The following SPTBN5 variants were observed in gnomAD, a reference collection of about 807,000 sequenced individuals.
SPTBN5 encodes the protein spectrin beta chain, non-erythrocytic 5.
SPTBN5 carries 513 observed loss-of-function variants against 477.6 expected under a neutral mutation model. That is an observed-to-expected ratio of 1.07 (90% CI 1.00 to 1.16). The LOEUF (loss-of-function observed/expected upper bound fraction) is 1.16. Among genes scored for constraint, SPTBN5 ranks in the 50% most tolerant of loss-of-function variants. The pLI is 0.00. For missense variants in SPTBN5, 5,062 were observed against 4,731.8 expected, an observed-to-expected ratio of 1.07 and a Z score of -2.05; for synonymous variants, 2,169 against 2,011.7, an observed-to-expected ratio of 1.08 and a Z score of -2.09.
At chr15:41,887,768 TAGGG>T (rs2067200616) in intron 5 of SPTBN5, among the ~76,000 whole-genome samples, 156 bp downstream of exon 5, 1 of 152,130 alleles carries the variant, frequency 6.6e-6, no homozygotes, top group South Asian at 2.1e-4. Context: ...TGGCATTGTC[TAGGG>T]AAGGGAAAGG....
intron 15 of SPTBN5, 37 bp from the exon 16 acceptor site, chr15:41,879,536 A>G: frequency 6.6e-7 from 1 of 1,525,668 alleles, no homozygotes; most frequent in Non-Finnish European, 8.8e-7. Context: ...CACAACAGGG[A>G]CACCTCCCCA....
intron 11 of SPTBN5, 59 bp downstream of exon 11, chr15:41,882,210 A>ACCG: frequency 7.0e-7 from 1 of 1,427,856 alleles, no homozygotes; most frequent in Non-Finnish European, 9.2e-7. Context: ...AGGTGCTGGC[A>ACCG]CCCCCACCCC....
intron 35 of SPTBN5, 127 bp downstream of exon 35, chr15:41,867,411 C>G: frequency 1.0e-6 from 1 of 971,272 alleles, no homozygotes; most frequent in Non-Finnish European, 1.6e-6. Context: ...CAACCCCAAC[C>G]AGGACCCCAG....
At chr15:41,850,592 T>C in intron 66 of SPTBN5, 1 of 497,422 alleles carries the variant, frequency 2.0e-6, no homozygotes. Flanking sequence ...AGTGGCAGAC[T>C]CCAAAAGGGG....
Position 41,851,867 on chromosome 15 carries a change from G to A in SPTBN5, c.10585-17C>T, listed in dbSNP as rs779628714. On this transcript the variant is annotated splice_polypyrimidine_tract_variant and intron_variant, in intron 62 of 67. Transcript: ENST00000320955. ...CTTTGCATCCTGAAAATGCAAGATG[G>A]GGCCCAGAAATGTCAGGACCAGCAC... 4.4e-6 allele frequency: 7 copies of A among 1,605,316 alleles called. No homozygotes were observed. Among genetic ancestry groups the A allele is most frequent in the Admixed American group, 1.7e-5 (1 of 59,486 alleles).
chr15:41,871,292 C>G, intron 29 of SPTBN5, 83 bp downstream of exon 29: 1 of 1,318,840 alleles, frequency 7.6e-7, no homozygotes, highest in Non-Finnish European at 9.7e-7. Context: ...TCACAGCATG[C>G]CATCCTCTCT....
Position 41,852,918 on chromosome 15 carries a change from T to G in SPTBN5, c.10253A>C (p.Glu3418Ala), listed in dbSNP as rs1362903924. 6.2e-7 allele frequency: 1 copy of G among 1,600,468 alleles called. No homozygotes were observed. Among genetic ancestry groups the G allele is most frequent in the Non-Finnish European group, 8.5e-7 (1 of 1,173,852 alleles). Residue 3418 changes from glutamate to alanine, a missense_variant, in exon 60 of 68, where the codon GAG (glutamate) becomes GCG (alanine). By Grantham distance (107) the Glu-to-Ala change is moderately radical (BLOSUM62 -1). Coordinates refer to ENST00000320955, the MANE Select transcript of SPTBN5 (RefSeq NM_016642.4). Reference protein sequence around the residue: ...AWALRWQRCAESWGLQKLRQR... With the variant: ...AWALRWQRCAASWGLQKLRQR... ...CCGAAGCTTCTGCAGGCCCCAGCTC[T>G]CGGCACAGCGTTGCCAGCGCAGGGC...
intron 67 of SPTBN5, among the ~76,000 whole-genome samples, chr15:41,849,265 C>T (rs1280892428): frequency 6.6e-6 from 1 of 152,206 alleles, no homozygotes; most frequent in African/African-American, 2.4e-5. Flanking sequence ...CTGGGATCTA[C>T]AAGGAGGGAC....
Position 41,868,064 on chromosome 15 carries a change from C to G in SPTBN5, c.6207+5G>C. On this transcript the variant is annotated splice_donor_5th_base_variant and intron_variant, in intron 34 of 67. Transcript: ENST00000320955. Reference sequence around the variant, plus strand: ...AGCGGAGTGTGAGGGCGGGAGGGGACCTGCCTCCTGGGCCGCGAGGATCTC... The same window carrying G: ...AGCGGAGTGTGAGGGCGGGAGGGGAGCTGCCTCCTGGGCCGCGAGGATCTC... 6.3e-7 allele frequency: 1 copy of G among 1,597,670 alleles called. No homozygotes were observed. Among genetic ancestry groups the G allele is most frequent in the Non-Finnish European group, 8.5e-7 (1 of 1,176,042 alleles).
rs749507990 is a variant in SPTBN5, at chr15:41,885,905, G to C, written c.1350C>G (p.Asp450Glu). Residue 450 changes from aspartate (D) to glutamate (E), a missense_variant, in exon 7 of 68, where the codon GAC (aspartate) becomes GAG (glutamate). Coordinates refer to ENST00000320955, the MANE Select transcript of SPTBN5 (RefSeq NM_016642.4). ...GGCTGGCTGGCGGGGCTCTGGCCTG[G>C]TCTAGCACCTGCTCTGCATCCTTAA... ...SFLKDAEQVL[D>E]QARAPPASLA... 1 of 1,584,796 alleles carries C rather than the reference G, an allele frequency of 6.3e-7. No homozygotes were observed. Among genetic ancestry groups the C allele is most frequent in the Non-Finnish European group, 8.6e-7 (1 of 1,165,846 alleles).
At position 41,848,185 on chromosome 15, in the gene SPTBN5, C is replaced by T; in HGVS notation, c.*431G>A. ...CATCTGTTATTACTGCTGAGAAGGGCCATGTCATTCTAGGCTCTTGGCTGT... is the reference window on the plus strand; with the variant it reads ...CATCTGTTATTACTGCTGAGAAGGGTCATGTCATTCTAGGCTCTTGGCTGT... On this transcript the variant is annotated 3_prime_UTR_variant, in exon 68 of 68. Transcript: ENST00000320955. The T allele has an allele frequency of 1.9e-6, 1 of 516,120 alleles. No homozygotes were observed. The highest frequency in any genetic ancestry group is 3.5e-6 in the Non-Finnish European group (1 of 285,984). The allele number at this position is 516,120 out of a possible 1,614,324, so 32.0% of individuals were successfully genotyped here.
At chr15:41,883,796 T>C (rs943832209) in intron 7 of SPTBN5, among the ~76,000 whole-genome samples, 1 of 151,902 alleles carries the variant, frequency 6.6e-6, no homozygotes, top group African/African-American at 2.4e-5. Context: ...CTAAAATCTT[T>C]TTTTTTTTCT....
Position 41,872,445 on chromosome 15 carries a change from T to C in SPTBN5, c.5022A>G (p.Glu1674=), listed in dbSNP as rs372325751. ...CCATGGAGCTCCAGTAAATGGCTAGTTCCTCCTGTAGAGCCTATGATGCAT... is the reference window on the plus strand; with the variant it reads ...CCATGGAGCTCCAGTAAATGGCTAGCTCCTCCTGTAGAGCCTATGATGCAT... ...LINKHQALQE[E]LAIYWSSMEE... is the part of the protein sequence containing the mutation. The change falls in exon 27 of 68, where the codon GAA becomes GAG. Residue 1674 remains glutamate, a synonymous_variant. Transcript: ENST00000320955. 1.9e-6 allele frequency: 3 copies of C among 1,562,962 alleles called. No homozygotes were observed. The highest frequency in any genetic ancestry group is 1.4e-5 in the African/African-American group (1 of 73,724).
intron 7 of SPTBN5, 150 bp from the exon 8 acceptor site, chr15:41,883,636 C>T (rs1223265588): frequency 1.1e-6 from 1 of 880,316 alleles, no homozygotes; most frequent in East Asian, 2.5e-5. Flanking sequence ...AGCATCCTGG[C>T]AGGCGGTGGT....
At chr15:41,865,528 T>C (rs956583978) in intron 39 of SPTBN5, among the ~76,000 whole-genome samples, 3 of 152,250 alleles carry the variant, frequency 2.0e-5, no homozygotes, top group African/African-American at 7.2e-5. Flanking sequence ...AGTATGCATC[T>C]GTGCGGGGCA....
rs1035503197 is a variant in SPTBN5, at chr15:41,861,671, G to A, written c.7737+64C>T. 224 of 1,506,864 alleles carry A rather than the reference G, an allele frequency of 1.5e-4. No individual in the cohort carries two copies. The Middle Eastern group carries it at 3.1e-3, about 21-fold the overall frequency. The allele number at this position is 1,506,864 out of a possible 1,614,324, so 93.3% of individuals were successfully genotyped here. On this transcript the variant is annotated intron_variant, in intron 45 of 67. Coordinates refer to ENST00000320955, the MANE Select transcript of SPTBN5 (RefSeq NM_016642.4). ...CCAGTCTTAGCCTTGACCAGAGGCTGTGGGGTCAGCGCAGGCCCTGTTCGG... is the reference window on the plus strand; with the variant it reads ...CCAGTCTTAGCCTTGACCAGAGGCTATGGGGTCAGCGCAGGCCCTGTTCGG...
intron 66 of SPTBN5, 66 bp downstream of exon 66, chr15:41,850,788 A>G (rs529990486): frequency 1.5e-6 from 2 of 1,378,218 alleles, no homozygotes; most frequent in Non-Finnish European, 2.0e-6. Flanking sequence ...ATAAAACACT[A>G]GGGGCCCAGG....
chr15:41,850,156 T>G, intron 66 of SPTBN5, 197 bp from the exon 67 acceptor site: 1 of 582,624 alleles, frequency 1.7e-6, no homozygotes, highest in Non-Finnish European at 3.1e-6. Flanking sequence ...TCCTGCCTCT[T>G]AGGAAACTCC....
rs367975182 is a variant in SPTBN5, at chr15:41,858,881, G to A, written c.8079+9C>T. On this transcript the variant is annotated intron_variant, in intron 48 of 67. Transcript: ENST00000320955. ...ACCATGACCGCCTCCCTCTCCAAGCGAGGCGAACCTCCTGGGAGTCCTGCA... is the reference window on the plus strand; with the variant it reads ...ACCATGACCGCCTCCCTCTCCAAGCAAGGCGAACCTCCTGGGAGTCCTGCA... 3.2e-5 allele frequency: 51 copies of A among 1,571,970 alleles called. No homozygotes were observed. The highest frequency in any genetic ancestry group is 5.4e-5 in the African/African-American group (4 of 73,646).
Sources: gnomAD v4.1 joint callset for allele counts (sites outside exome capture counted in the v4.1 genomes callset) on GRCh38, gnomAD v4.1.1 for gene constraint, MANE v1.5 for transcripts, NCBI Gene and HGNC (gene_info 2026-07-23, HGNC 2026-07-21) for gene names.